The following MYC variants were observed in gnomAD, a reference collection of about 807,000 sequenced individuals.
MYC encodes the protein myc proto-oncogene protein.
MYC carries 1 observed loss-of-function variant against 30.5 expected under a neutral mutation model. The ratio of observed to expected loss-of-function variants is 0.03; its 90% CI spans 0.01 to 0.16. MYC has a LOEUF of 0.16. MYC is among the 10% of genes least tolerant of loss of function. The probability of loss-of-function intolerance (pLI) is 1.00; values close to 1 mark genes in which losing one functional copy is unlikely to be tolerated. For synonymous variants in MYC, 267 were observed against 250.7 expected, an observed-to-expected ratio of 1.07 and a Z score of -0.62; for missense variants, 508 against 589.0, an observed-to-expected ratio of 0.86 and a Z score of 1.42.
rs1217750524 is a variant in MYC at position 127,736,433 on chromosome 8, G to A, written c.-161G>A. 2 of 721,344 alleles carry A rather than the reference G, an allele frequency of 2.8e-6. No individual in the cohort carries two copies. Among genetic ancestry groups the A allele is most frequent in the South Asian group, 1.8e-5 (1 of 55,672 alleles). The allele number at this position is 721,344 out of a possible 1,614,324, so 44.7% of individuals were successfully genotyped here. ...ACCCTTGCCGCATCCACGAAACTTT[G>A]CCCATAGCAGCGGGCGGGCACTTTG... On this transcript the variant is annotated 5_prime_UTR_variant, in exon 1 of 3. Transcript: ENST00000621592.
At chr8:127,737,048 G>C (rs1813604027) in intron 1 of MYC, among the ~76,000 whole-genome samples, 1 of 152,264 alleles carries the variant, frequency 6.6e-6, no homozygotes. Flanking sequence ...GTGTGAGCCA[G>C]ATCGCTCCGC....
intron 2 of MYC, among the ~76,000 whole-genome samples, chr8:127,740,157 T>C (rs567043428): frequency 6.6e-6 from 1 of 152,008 alleles, no homozygotes; most frequent in South Asian, 2.1e-4. Context: ...TGGGGTTTCA[T>C]CGTGTTGGCC....
rs1160039875 is a variant in MYC, at chr8:127,738,171, C to G, written c.31-77C>G. 6.7e-6 allele frequency: 10 copies of G among 1,488,998 alleles called. No homozygotes were observed. The highest frequency in any genetic ancestry group is 4.2e-5 in the African/African-American group (3 of 71,568). The allele number at this position is 1,488,998 out of a possible 1,614,324, so 92.2% of individuals were successfully genotyped here. ...GAGAGGTTCGGGACTGTGGCGCGCA[C>G]TGCGCGCTGCGCCAGGTTTCCGCAC... On this transcript the variant is annotated intron_variant, in intron 1 of 2. Transcript: ENST00000621592. The surrounding 1 kb of genome is among the most constrained non-coding windows in gnomAD (Gnocchi z 7.6).
upstream of MYC, chr8:127,735,702 T>TGG (rs1813570319): frequency 2.5e-6 from 1 of 398,978 alleles, no homozygotes; most frequent in Admixed American, 4.4e-5. Flanking sequence ...GCGCAGTGCG[T>TGG]TCTCGGTGTG....
intron 1 of MYC, among the ~76,000 whole-genome samples, chr8:127,737,642 A>T (rs376532664): frequency 1.3e-5 from 2 of 151,508 alleles, no homozygotes; most frequent in Admixed American, 6.6e-5. Context: ...CGAGAGAAAG[A>T]AGAAAAGCTG....
At chr8:127,735,762 C>T (rs1249268414), upstream of MYC, 2 of 399,108 alleles carry the variant, frequency 5.0e-6, no homozygotes, top group Admixed American at 4.4e-5. Flanking sequence ...GACAAGGATG[C>T]GGTTTGTCAA....
rs1437137562 is a variant in MYC at position 127,740,449 on chromosome 8, C to G, written c.856C>G (p.Gln286Glu). The G allele has an allele frequency of 1.2e-6, 2 of 1,613,970 alleles. No homozygotes were observed. Among genetic ancestry groups the G allele is most frequent in the Non-Finnish European group, 1.7e-6 (2 of 1,180,020 alleles). Residue 286 changes from glutamine to glutamate, a missense_variant, in exon 3 of 3, where the codon CAG (glutamine) becomes GAG (glutamate). Physicochemically the swap from Gln to Glu is conservative, Grantham distance 29. Coordinates refer to ENST00000621592, the MANE Select transcript of MYC (RefSeq NM_002467.6). ...CGATGTTGTTTCTGTGGAAAAGAGG[C>G]AGGCTCCTGGCAAAAGGTCAGAGTC...
At chr8:127,739,079 A>C (rs911208931) in intron 2 of MYC, 60 bp downstream of exon 2, 3 of 1,410,390 alleles carry the variant, frequency 2.1e-6, no homozygotes, top group Admixed American at 3.0e-5. Context: ...TCCCATTTTC[A>C]TTGGCAGCTT....
In MYC at chr8:127,737,223, C is replaced by T. The variant is rs4645953; in HGVS notation, c.30+600C>T. The stretch of plus-strand genomic sequence containing the variant: ...AGTTGGCATTTGGCTTTTTAAAAAG[C>T]AATAATACAATTTAAAACCTGGGTC... On this transcript the variant is annotated intron_variant, in intron 1 of 2. Coordinates refer to ENST00000621592, the MANE Select transcript of MYC (RefSeq NM_002467.6). 6.9e-3 allele frequency among the ~76,000 whole-genome samples: 1,055 copies of T among 152,356 alleles called. 7 individuals are homozygous for T. Among genetic ancestry groups the T allele is most frequent in the Non-Finnish European group, 0.013 (860 of 68,034 alleles).
In MYC at chr8:127,738,096, A is replaced by T. The variant is rs1813636296; in HGVS notation, c.31-152A>T. The T allele has an allele frequency of 1.2e-6, 1 of 841,248 alleles. No homozygotes were observed. Among genetic ancestry groups the T allele is most frequent in the Non-Finnish European group, 1.8e-6 (1 of 560,850 alleles). The allele number at this position is 841,248 out of a possible 1,614,324, so 52.1% of individuals were successfully genotyped here. On this transcript the variant is annotated intron_variant, in intron 1 of 2. Coordinates refer to ENST00000621592, the MANE Select transcript of MYC (RefSeq NM_002467.6). The surrounding 1 kb of genome is among the most constrained non-coding windows in gnomAD (Gnocchi z 7.6). ...AAGGGGGTGAAAGGGTGCTCCCTTT[A>T]TTCCCCCACCAAGACCACCCAGCCG...
Position 127,738,525 on chromosome 8 carries a change from G to C in MYC, c.308G>C (p.Gly103Ala), listed in dbSNP as rs1034655525. 3.7e-6 allele frequency: 6 copies of C among 1,611,654 alleles called. No homozygotes were observed. The highest frequency in any genetic ancestry group is 5.1e-6 in the Non-Finnish European group (6 of 1,178,516). Residue 103 changes from glycine to alanine, a missense_variant, in exon 2 of 3, where the codon GGC (glycine) becomes GCC (alanine). Transcript: ENST00000621592. This position sits in a 1 kb window ranked among gnomAD's most constrained non-coding sequence, Gnocchi z 7.6. ...TTCTCCCTTCGGGGAGACAACGACG[G>C]CGGTGGCGGGAGCTTCTCCACGGCC...
chr8:127,741,252 T>C lies in MYC; in HGVS notation c.*294T>C. The C allele has an allele frequency of 3.3e-6, 1 of 300,624 alleles. No homozygotes were observed. The highest frequency in any genetic ancestry group is 5.0e-5 in the East Asian group (1 of 20,126). The allele number at this position is 300,624 out of a possible 1,614,324, so 18.6% of individuals were successfully genotyped here. ...TATTGCCATTAAATGTAAATAACTT[T>C]AATAAAACGTTTATAGCAGTTACAC... On this transcript the variant is annotated 3_prime_UTR_variant, in exon 3 of 3. Transcript: ENST00000621592.
upstream of MYC, chr8:127,735,799 A>G (rs1450772731): frequency 7.5e-6 from 3 of 399,080 alleles, no homozygotes; most frequent in African/African-American, 6.2e-5. Context: ...GGAGCAGCAG[A>G]GAAAGGGAGA....
chr8:127,737,143 G>T (rs1448634722), intron 1 of MYC, among the ~76,000 whole-genome samples: 2 of 152,282 alleles, frequency 1.3e-5, no homozygotes, highest in African/African-American at 4.8e-5. Context: ...ACACTGCGGC[G>T]CGTCCCGCCC....
intron 1 of MYC, among the ~76,000 whole-genome samples, chr8:127,737,296 A>T (rs2130087379): frequency 6.6e-6 from 1 of 152,342 alleles, no homozygotes. Flanking sequence ...GCAGGGGAAA[A>T]GGGAGGCGAG....
rs1354508987 is a variant in MYC, at chr8:127,740,575, C to G, written c.982C>G (p.Pro328Ala). 6.2e-7 allele frequency: 1 copy of G among 1,614,076 alleles called. No individual in the cohort carries two copies. The highest frequency in any genetic ancestry group is 1.1e-5 in the South Asian group (1 of 91,076). ...ACATCAGCACAACTACGCAGCGCCT[C>G]CCTCCACTCGGAAGGACTATCCTGC... is the stretch of plus-strand genomic sequence containing the variant. The change falls in exon 3 of 3, where the codon CCC becomes GCC. Residue 328 changes from proline (P) to alanine (A), a missense_variant. By Grantham distance (27) the Pro-to-Ala change is conservative (BLOSUM62 -1). Transcript: ENST00000621592.
At chr8:127,735,549 C>G (rs867382866), upstream of MYC, 147 of 399,280 alleles carry the variant, frequency 3.7e-4, no homozygotes, top group Admixed American at 1.8e-3. Context: ...CCTATCTACA[C>G]TAACATCCCA....
Position 127,738,460 on chromosome 8 carries a change from C to T in MYC, c.243C>T (p.Arg81=). Residue 81 remains arginine, a synonymous_variant, in exon 2 of 3, where the codon CGC becomes CGT. Transcript: ENST00000621592. The surrounding 1 kb of genome is among the most constrained non-coding windows in gnomAD (Gnocchi z 7.6). ...CCCCGCCCCTGTCCCCTAGCCGCCG[C>T]TCCGGGCTCTGCTCGCCCTCCTACG... 1 of 1,607,178 alleles carries T rather than the reference C, an allele frequency of 6.2e-7. No individual in the cohort carries two copies. The highest frequency in any genetic ancestry group is 8.5e-7 in the Non-Finnish European group (1 of 1,175,406).
In MYC at chr8:127,736,420, T is replaced by G. The variant is rs1276117713; in HGVS notation, c.-174T>G. 1.5e-6 allele frequency: 1 copy of G among 669,930 alleles called. No homozygotes were observed. 41.5% of individuals were successfully genotyped at this position (669,930 alleles called of 1,614,324 possible). On this transcript the variant is annotated 5_prime_UTR_variant, in exon 1 of 3. Coordinates refer to ENST00000621592, the MANE Select transcript of MYC (RefSeq NM_002467.6). Reference sequence around the variant, plus strand: ...CCAGCGGTCCGCAACCCTTGCCGCATCCACGAAACTTTGCCCATAGCAGCG... The same window carrying G: ...CCAGCGGTCCGCAACCCTTGCCGCAGCCACGAAACTTTGCCCATAGCAGCG...
Sources: gnomAD v4.1 joint callset for allele counts (sites outside exome capture counted in the v4.1 genomes callset) on GRCh38, gnomAD v4.1.1 for gene constraint, Gnocchi (gnomAD v3.1) non-coding constraint, MANE v1.5 for transcripts, NCBI Gene and HGNC (gene_info 2026-07-23, HGNC 2026-07-21) for gene names.